The following PLD5 variants were observed in gnomAD, a reference collection of about 807,000 sequenced individuals.
PLD5 encodes the protein phospholipase D family member 5.
A neutral mutation model predicts 61.1 loss-of-function variants in PLD5; 36 were observed. The observed-to-expected ratio is 0.59, with a 90% confidence interval of 0.45 to 0.78. The LOEUF is 0.78. PLD5 is among the 30% of genes least tolerant of loss of function. PLD5 has a pLI of 0.00. For missense variants in PLD5, 515 were observed against 644.4 expected (o/e 0.80, Z 2.17); for synonymous variants, 243 against 242.8 (o/e 1.00, Z -0.01).
chr1:242,202,993 G>A (rs1044591228), intron 5 of PLD5, among the ~76,000 whole-genome samples: 26 of 152,038 alleles, frequency 1.7e-4, no homozygotes, highest in Non-Finnish European at 1.2e-4. Flanking sequence ...TATAAAAACA[G>A]AACTTTGACC....
chr1:242,371,570 C>G (rs899265676), intron 1 of PLD5, among the ~76,000 whole-genome samples: 1 of 152,036 alleles, frequency 6.6e-6, no homozygotes. Flanking sequence ...CTTTATTTAT[C>G]CCTTCACCAC....
At position 242,429,204 on chromosome 1, in the gene PLD5, A is replaced by G. The variant is rs544273492; in HGVS notation, c.190-80962T>C. On this transcript the variant is annotated intron_variant, in intron 1 of 9. Coordinates refer to ENST00000536534, the MANE Select transcript of PLD5 (RefSeq NM_001372062.1). ...GTTCCAATAACCCTCAAAGCCAAAC[A>G]GAATTTCCCTGGATGTTGGTCCAAC... Among the ~76,000 whole-genome samples, 35 of 152,364 alleles carry G rather than the reference A, an allele frequency of 2.3e-4. No individual in the cohort carries two copies. In the South Asian group the frequency reaches 6.4e-3, roughly 28 times the overall value.
At chr1:242,283,317 C>G (rs983915278) in intron 3 of PLD5, among the ~76,000 whole-genome samples, 1 of 152,184 alleles carries the variant, frequency 6.6e-6, no homozygotes, top group Admixed American at 6.5e-5. Context: ...CTTCCAGAGA[C>G]CAGACCAATA....
At chr1:242,481,255 G>T (rs12124421) in intron 1 of PLD5, among the ~76,000 whole-genome samples, 27,181 of 152,182 alleles carry the variant, frequency 0.18, 2,989 homozygotes, top group Non-Finnish European at 0.26. Context: ...CCAAAGCAGG[G>T]CGAGGCATCA....
At chr1:242,099,148 G>C (rs945575404) in intron 9 of PLD5, among the ~76,000 whole-genome samples, 3 of 151,980 alleles carry the variant, frequency 2.0e-5, no homozygotes, top group African/African-American at 7.3e-5. Flanking sequence ...TTGAGGAGGA[G>C]TCCCACCTTG....
rs541737970 is a variant in PLD5, at chr1:242,096,444, C to T, written c.1354+4224G>A. Among the ~76,000 whole-genome samples the T allele has an allele frequency of 7.2e-5, 11 of 152,154 alleles. No homozygotes were observed. In the South Asian group the frequency reaches 1.2e-3, roughly 17 times the overall value. On this transcript the variant is annotated intron_variant, in intron 9 of 9. Transcript: ENST00000536534. The stretch of plus-strand genomic sequence containing the variant: ...GCAACCTCTGCCTCCTGGACTCAAG[C>T]GATTCCCCTGCCTCAGCCTCCCTAG...
chr1:242,434,994 G>A (rs775623633), intron 1 of PLD5, among the ~76,000 whole-genome samples: 3 of 151,834 alleles, frequency 2.0e-5, no homozygotes, highest in Non-Finnish European at 4.4e-5. Flanking sequence ...TATTAAGCCC[G>A]TATGCATTAG....
At chr1:242,433,118 G>A (rs989930248) in intron 1 of PLD5, among the ~76,000 whole-genome samples, 2 of 152,190 alleles carry the variant, frequency 1.3e-5, no homozygotes, top group African/African-American at 4.8e-5. Context: ...CCTGTATTCT[G>A]CAGGAATGGG....
intron 5 of PLD5, among the ~76,000 whole-genome samples, chr1:242,132,206 G>GGGGGGGGGGGC (rs1553305634): frequency 1.1e-5 from 1 of 87,012 alleles, no homozygotes; most frequent in African/African-American, 5.7e-5. Flanking sequence ...GGGGGGGGGG[G>GGGGGGGGGGGC]GCGGAATCAT....
intron 1 of PLD5, among the ~76,000 whole-genome samples, chr1:242,466,379 T>C (rs1487473897): frequency 1.3e-5 from 2 of 151,982 alleles, no homozygotes; most frequent in African/African-American, 4.8e-5. Context: ...TGACTGCTAG[T>C]GAGAAATTAG....
intron 1 of PLD5, among the ~76,000 whole-genome samples, chr1:242,432,457 A>C (rs76347814): frequency 0.034 from 5,128 of 152,312 alleles, 281 homozygotes; most frequent in African/African-American, 0.11. Context: ...GCCTTCATTC[A>C]CACCTCTGTG....
chr1:242,272,456 G>A (rs536235576), intron 3 of PLD5, among the ~76,000 whole-genome samples: 5 of 151,940 alleles, frequency 3.3e-5, no homozygotes, highest in South Asian at 2.1e-4. Context: ...AACAATTTTC[G>A]TTTGTGGAAC....
intron 6 of PLD5, among the ~76,000 whole-genome samples, chr1:242,120,047 T>C (rs1477372551): frequency 3.3e-5 from 5 of 152,108 alleles, no homozygotes; most frequent in Admixed American, 3.3e-4. Context: ...CTTGAAGGCA[T>C]TATGTTAGGT....
intron 5 of PLD5, among the ~76,000 whole-genome samples, chr1:242,182,203 C>G (rs578171589): frequency 6.6e-6 from 1 of 152,282 alleles, no homozygotes; most frequent in South Asian, 2.1e-4. Context: ...GCTCTGGGAG[C>G]TAGTGAATCC....
chr1:242,247,132 C>A (rs921733422), intron 4 of PLD5, among the ~76,000 whole-genome samples: 26 of 152,054 alleles, frequency 1.7e-4, no homozygotes, highest in Admixed American at 1.2e-3. Context: ...TACAGGCGCC[C>A]GCCACCATGC....
chr1:242,526,837 TA>T (rs35620113), upstream of PLD5, among the ~76,000 whole-genome samples: 20,208 of 152,190 alleles, frequency 0.13, 1,358 homozygotes, highest in East Asian at 0.17. Context: ...GACAAACAAT[TA>T]TACAGTCTTT....
chr1:242,271,008 T>C (rs916167513), intron 3 of PLD5, among the ~76,000 whole-genome samples: 6 of 152,048 alleles, frequency 3.9e-5, no homozygotes, highest in Non-Finnish European at 8.8e-5. Flanking sequence ...AAGTTAGAAC[T>C]AAAACACAAT....
In PLD5 at chr1:242,488,574, C is replaced by A. The variant is rs921107613; in HGVS notation, c.189+35514G>T. ...AGTAAAAATACTGATCATTAGTGGC[C>A]AAGGGCTCAGGGGAGGAAGGGATGA... On this transcript the variant is annotated intron_variant, in intron 1 of 9. Transcript: ENST00000536534. Among the ~76,000 whole-genome samples, 9 of 152,180 alleles carry A rather than the reference C, an allele frequency of 5.9e-5. No individual in the cohort carries two copies. In the South Asian group the frequency reaches 1.0e-3, roughly 18 times the overall value.
intron 1 of PLD5, among the ~76,000 whole-genome samples, chr1:242,485,485 T>C (rs1191896438): frequency 2.6e-5 from 4 of 152,044 alleles, no homozygotes; most frequent in Non-Finnish European, 2.9e-5. Context: ...GAGAATAACA[T>C]ACCTAGGAAT....
Sources: gnomAD v4.1 joint callset for allele counts (sites outside exome capture counted in the v4.1 genomes callset) on GRCh38, gnomAD v4.1.1 for gene constraint, MANE v1.5 for transcripts, NCBI Gene and HGNC (gene_info 2026-07-23, HGNC 2026-07-21) for gene names.